Variants in MICAL2 observed in about 807,000 individuals in gnomAD.
MICAL2 encodes [F-actin]-monooxygenase MICAL2.
MICAL2 carries 77 observed loss-of-function variants against 127.3 expected under a neutral mutation model. The ratio of observed to expected loss-of-function variants is 0.60; its 90% CI spans 0.50 to 0.73. The LOEUF is 0.73. Ranked by LOEUF, MICAL2 falls within the 30% of genes least tolerant of loss-of-function variation. MICAL2 has a pLI of 0.00. For synonymous variants in MICAL2, 570 were observed against 551.1 expected (o/e 1.03, Z -0.48); for missense variants, 1,351 against 1,434.4 (o/e 0.94, Z 0.94).
chr11:12,320,726 C>T (rs1864283784), intron 30 of MICAL2, among the ~76,000 whole-genome samples: 1 of 151,954 alleles, frequency 6.6e-6, no homozygotes, highest in Non-Finnish European at 1.5e-5. Flanking sequence ...GACATCATCT[C>T]AAGTCACTCT....
At chr11:12,306,664 C>A (rs1410701487) in intron 29 of MICAL2, among the ~76,000 whole-genome samples, 2 of 152,156 alleles carry the variant, frequency 1.3e-5, no homozygotes, top group Non-Finnish European at 2.9e-5. Context: ...TGTTTTCTGT[C>A]TCAATAGTGT....
At chr11:12,344,472 C>CGATTAT (rs34112883) in intron 32 of MICAL2, among the ~76,000 whole-genome samples, 25,584 of 141,332 alleles carry the variant, frequency 0.18, 2,749 homozygotes, top group Middle Eastern at 0.32. Context: ...ATTCTAGAAA[C>CGATTAT]TATTATTATT....
intron 31 of MICAL2, among the ~76,000 whole-genome samples, chr11:12,324,873 T>G (rs1468168205): frequency 1.3e-5 from 2 of 152,228 alleles, no homozygotes; most frequent in Non-Finnish European, 2.9e-5. Flanking sequence ...GAAAAGTCAC[T>G]TCTGTCTACT....
At chr11:12,164,989 A>T (rs982521312) in intron 3 of MICAL2, among the ~76,000 whole-genome samples, 2 of 152,188 alleles carry the variant, frequency 1.3e-5, no homozygotes, top group East Asian at 3.9e-4. Flanking sequence ...TACAAAAAAA[A>T]TTAGCCAGGT....
At chr11:12,198,891 G>A (rs1234138571) in intron 3 of MICAL2, among the ~76,000 whole-genome samples, 2 of 152,192 alleles carry the variant, frequency 1.3e-5, no homozygotes, top group Admixed American at 1.3e-4. Flanking sequence ...GCTGGACCTG[G>A]CTTGCTCGTT....
intron 3 of MICAL2, among the ~76,000 whole-genome samples, chr11:12,192,975 C>T (rs979943274): frequency 2.6e-5 from 4 of 152,142 alleles, no homozygotes; most frequent in Non-Finnish European, 5.9e-5. Context: ...AGAGAACTGA[C>T]GTCAGAGGTA....
intron 6 of MICAL2, among the ~76,000 whole-genome samples, chr11:12,211,013 A>G (rs1855386160): frequency 6.6e-6 from 1 of 152,246 alleles, no homozygotes; most frequent in Non-Finnish European, 1.5e-5. Flanking sequence ...CTAGATGAGA[A>G]TAATGGCCAT....
intron 29 of MICAL2, among the ~76,000 whole-genome samples, chr11:12,306,381 C>T (rs375813920): frequency 9.2e-5 from 14 of 151,944 alleles, no homozygotes; most frequent in Non-Finnish European, 1.6e-4. Context: ...ATTTATCTGT[C>T]GGTTCTGTGA....
intron 8 of MICAL2, among the ~76,000 whole-genome samples, chr11:12,219,783 G>A (rs578203333): frequency 3.0e-4 from 46 of 152,226 alleles, no homozygotes; most frequent in African/African-American, 8.4e-4. Flanking sequence ...AAATGTGCTC[G>A]TTGTTTGCTC....
At chr11:12,130,270 C>G (rs552098128) in intron 1 of MICAL2, among the ~76,000 whole-genome samples, 31 of 151,068 alleles carry the variant, frequency 2.1e-4, no homozygotes, top group Non-Finnish European at 3.1e-4. Context: ...CATAAATGTG[C>G]CATGAGGGAC....
intron 29 of MICAL2, among the ~76,000 whole-genome samples, chr11:12,299,686 A>G (rs1864024475): frequency 1.3e-5 from 2 of 152,202 alleles, no homozygotes; most frequent in South Asian, 2.1e-4. Flanking sequence ...GCAGTATTAC[A>G]TACATACAGT....
intron 3 of MICAL2, among the ~76,000 whole-genome samples, chr11:12,169,841 C>T (rs143704832): frequency 1.3e-5 from 2 of 152,326 alleles, no homozygotes; most frequent in Non-Finnish European, 2.9e-5. Flanking sequence ...GTCAGATTCT[C>T]CTCCCTGGAG....
At chr11:12,294,714 A>G (rs373734390), downstream of MICAL2, 3 of 1,613,886 alleles carry the variant, frequency 1.9e-6, no homozygotes, top group African/African-American at 4.0e-5. Context: ...GGCAGCCCCA[A>G]GAGGAAGGTG....
intron 2 of MICAL2, among the ~76,000 whole-genome samples, chr11:12,152,677 G>T (rs1265650665): frequency 6.6e-6 from 1 of 152,180 alleles, no homozygotes; most frequent in Non-Finnish European, 1.5e-5. Context: ...ACTTGGCAAG[G>T]CTGAGCTTTG....
At chr11:12,351,694 C>T (rs757610622) in intron 33 of MICAL2, among the ~76,000 whole-genome samples, 12 of 151,818 alleles carry the variant, frequency 7.9e-5, no homozygotes, top group East Asian at 5.8e-4. Flanking sequence ...AGAGGTGGCC[C>T]GGAGTTACAT....
intron 29 of MICAL2, among the ~76,000 whole-genome samples, chr11:12,315,841 C>G: frequency 6.6e-6 from 1 of 152,096 alleles, no homozygotes; most frequent in East Asian, 1.9e-4. Context: ...TACCCCTTAG[C>G]TATAATTTTT....
chr11:12,352,825 A>G (rs1939073101), intron 33 of MICAL2, among the ~76,000 whole-genome samples: 1 of 152,170 alleles, frequency 6.6e-6, no homozygotes, highest in South Asian at 2.1e-4. Context: ...GGGCAGGAGG[A>G]GCCCCAGATG....
chr11:12,252,645 G>C (rs1861705044), intron 22 of MICAL2: 1 of 152,270 alleles, frequency 6.6e-6, no homozygotes, highest in African/African-American at 2.4e-5. Flanking sequence ...TTCGCTGGAA[G>C]CCAGTGAGTT....
At chr11:12,219,782 C>T (rs986821298) in intron 8 of MICAL2, among the ~76,000 whole-genome samples, 3 of 152,148 alleles carry the variant, frequency 2.0e-5, no homozygotes, top group South Asian at 2.1e-4. Context: ...GAAATGTGCT[C>T]GTTGTTTGCT....
Sources: gnomAD v4.1 joint callset for allele counts (sites outside exome capture counted in the v4.1 genomes callset) on GRCh38, gnomAD v4.1.1 for gene constraint, MANE v1.5 for transcripts, NCBI Gene and HGNC (gene_info 2026-07-23, HGNC 2026-07-21) for gene names.